Variants in PCDH9 observed in about 807,000 individuals in gnomAD.
PCDH9 encodes the protein protocadherin 9.
In PCDH9, 24 loss-of-function variants were observed where a neutral mutation model predicts 70.6. The ratio of observed to expected loss-of-function variants is 0.34; its 90% CI spans 0.25 to 0.48. PCDH9 has a LOEUF of 0.48. PCDH9 is among the 20% of genes least tolerant of loss of function. The pLI, the probability that PCDH9 is intolerant of heterozygous loss-of-function variation, is 0.99. For synonymous variants in PCDH9, 562 were observed against 558.5 expected (o/e 1.01, Z -0.09); for missense variants, 1,281 against 1,503.6 (o/e 0.85, Z 2.45).
chr13:66,577,025 A>G (rs752063238), intron 4 of PCDH9, among the ~76,000 whole-genome samples: 2 of 152,062 alleles, frequency 1.3e-5, no homozygotes, highest in African/African-American at 4.8e-5. Context: ...AATAAAAACA[A>G]CACAAAATCT....
chr13:66,697,148 G>A (rs4242929), intron 3 of PCDH9, among the ~76,000 whole-genome samples: 66,418 of 151,826 alleles, frequency 0.44, 14,562 homozygotes, highest in South Asian at 0.46. Context: ...ATTTTAAAAG[G>A]CCCCAATGTG....
chr13:66,327,701 A>G (rs911935577), intron 4 of PCDH9, among the ~76,000 whole-genome samples: 4 of 152,162 alleles, frequency 2.6e-5, no homozygotes, highest in African/African-American at 9.7e-5. Context: ...TTTAAATTCT[A>G]TATCTATAAA....
chr13:66,653,793 C>T (rs1028522685), intron 3 of PCDH9, among the ~76,000 whole-genome samples: 2 of 151,720 alleles, frequency 1.3e-5, no homozygotes, highest in African/African-American at 4.8e-5. Flanking sequence ...CACTGAAACC[C>T]CGTCTCTACT....
intron 4 of PCDH9, among the ~76,000 whole-genome samples, chr13:66,555,657 T>A (rs1593668755): frequency 6.6e-6 from 1 of 151,894 alleles, no homozygotes; most frequent in East Asian, 1.9e-4. Context: ...ACATTTTCAT[T>A]TTTTAGCCTC....
intron 2 of PCDH9, among the ~76,000 whole-genome samples, chr13:67,167,058 G>T (rs1269027864): frequency 6.6e-6 from 1 of 152,116 alleles, no homozygotes; most frequent in Non-Finnish European, 1.5e-5. Context: ...TATTTTATAA[G>T]AATTCATTAT....
intron 4 of PCDH9, among the ~76,000 whole-genome samples, chr13:66,572,438 C>T (rs926877026): frequency 6.6e-6 from 1 of 152,072 alleles, no homozygotes; most frequent in Admixed American, 6.6e-5. Context: ...TTTTTCGTTC[C>T]CACATACAAG....
intron 2 of PCDH9, among the ~76,000 whole-genome samples, chr13:67,119,582 G>A (rs371162415): frequency 1.6e-4 from 24 of 152,256 alleles, no homozygotes; most frequent in East Asian, 7.7e-4. Flanking sequence ...TGGAAAAGCT[G>A]TGCAATCAGG....
chr13:66,878,578 C>G (rs1428590608), intron 3 of PCDH9, among the ~76,000 whole-genome samples: 1 of 152,082 alleles, frequency 6.6e-6, no homozygotes, highest in Non-Finnish European at 1.5e-5. Flanking sequence ...CTTGAACACC[C>G]GATTTTATCT....
chr13:66,728,800 G>GCA (rs2079036728), intron 3 of PCDH9, among the ~76,000 whole-genome samples: 12 of 151,910 alleles, frequency 7.9e-5, no homozygotes, highest in Admixed American at 5.9e-4. Flanking sequence ...AATTCTTTTT[G>GCA]ATAAAGGTCC....
At chr13:67,004,857 AAAT>A (rs1283286600) in intron 2 of PCDH9, among the ~76,000 whole-genome samples, 4 of 152,128 alleles carry the variant, frequency 2.6e-5, no homozygotes, top group Non-Finnish European at 5.9e-5. Context: ...TACTCCTGAC[AAAT>A]AATAATAAAT....
At chr13:66,943,703 TA>T (rs35832550) in intron 2 of PCDH9, among the ~76,000 whole-genome samples, 4 of 151,808 alleles carry the variant, frequency 2.6e-5, no homozygotes, top group East Asian at 3.9e-4. Context: ...TGCTTTGCAT[TA>T]AAAAAAAGGA....
At chr13:66,714,477 C>CA (rs1215376049) in intron 3 of PCDH9, among the ~76,000 whole-genome samples, 1 of 148,022 alleles carries the variant, frequency 6.8e-6, no homozygotes, top group African/African-American at 2.5e-5. Flanking sequence ...AAAAAAAAAA[C>CA]AAAAAAAGTT....
At chr13:66,521,637 G>A (rs1173100414) in intron 4 of PCDH9, among the ~76,000 whole-genome samples, 1 of 152,086 alleles carries the variant, frequency 6.6e-6, no homozygotes, top group Non-Finnish European at 1.5e-5. Flanking sequence ...GTGTTATGGT[G>A]AGATATATTT....
At chr13:66,719,835 A>G (rs1254050967) in intron 3 of PCDH9, among the ~76,000 whole-genome samples, 1 of 152,206 alleles carries the variant, frequency 6.6e-6, no homozygotes. Context: ...AATCCAAGTC[A>G]TTTTATAAGT....
At chr13:66,473,796 T>A (rs567478249) in intron 4 of PCDH9, among the ~76,000 whole-genome samples, 165 of 152,294 alleles carry the variant, frequency 1.1e-3, no homozygotes, top group Middle Eastern at 6.8e-3. Context: ...GCTTCTTTCA[T>A]AATGCTACAA....
At chr13:66,557,398 T>C (rs1335887600) in intron 4 of PCDH9, among the ~76,000 whole-genome samples, 2 of 152,236 alleles carry the variant, frequency 1.3e-5, no homozygotes, top group African/African-American at 2.4e-5. Flanking sequence ...CTTTAAAATG[T>C]AATAGTAAGC....
intron 2 of PCDH9, among the ~76,000 whole-genome samples, chr13:67,145,362 C>T (rs2087496720): frequency 6.6e-6 from 1 of 151,882 alleles, no homozygotes; most frequent in Admixed American, 6.6e-5. Flanking sequence ...AATTATTTTA[C>T]CTTGTCAAAT....
intron 2 of PCDH9, among the ~76,000 whole-genome samples, chr13:66,998,743 A>G (rs1286679321): frequency 6.6e-6 from 1 of 152,166 alleles, no homozygotes; most frequent in African/African-American, 2.4e-5. Context: ...ACACTCAATT[A>G]TCAGTTCAGT....
intron 1 of PCDH9, 69 bp downstream of exon 1, chr13:67,229,711 C>A (rs1353485317): frequency 6.6e-6 from 1 of 152,216 alleles, no homozygotes; most frequent in Non-Finnish European, 1.5e-5. Context: ...TTACAAGCAT[C>A]TTTCGCCTAC....
Sources: gnomAD v4.1 joint callset for allele counts (sites outside exome capture counted in the v4.1 genomes callset) on GRCh38, gnomAD v4.1.1 for gene constraint, MANE v1.5 for transcripts, NCBI Gene and HGNC (gene_info 2026-07-23, HGNC 2026-07-21) for gene names.